ANK3: variants seen among roughly 807,000 people sequenced by gnomAD.
ANK3 encodes the protein ankyrin-3.
Under a neutral mutation model 370.9 loss-of-function variants are expected in ANK3, and 57 were observed. That is an observed-to-expected ratio of 0.15 (90% CI 0.12 to 0.19). The LOEUF (loss-of-function observed/expected upper bound fraction) is 0.19, where lower values mean the gene tolerates loss of function less well. ANK3 is among the 10% of genes least tolerant of loss of function. ANK3 has a pLI of 1.00. For synonymous variants in ANK3, 1,929 were observed against 1,946.3 expected (o/e 0.99, Z 0.23); for missense variants, 4,439 against 5,302.1 (o/e 0.84, Z 5.06).
At chr10:60,493,823 C>T (rs1163865874) in intron 2 of ANK3, among the ~76,000 whole-genome samples, 1 of 152,062 alleles carries the variant, frequency 6.6e-6, no homozygotes, top group Non-Finnish European at 1.5e-5. Flanking sequence ...AGAGAGTATA[C>T]AGTAAGAATG....
rs998175553 is a variant in ANK3, at chr10:60,110,511, C to T, written c.2949-1457G>A. ...AAGGTAAAAGGGGAAAACACTGACT[C>T]TCTCAAAAACAAAAAGAAAACAAAA... On this transcript the variant is annotated intron_variant, in intron 26 of 43. Transcript: ENST00000280772. Among the ~76,000 whole-genome samples, 11 of 152,088 alleles carry T rather than the reference C, an allele frequency of 7.2e-5. No homozygotes were observed. In the South Asian group the frequency reaches 1.0e-3, roughly 14 times the overall value.
chr10:60,667,861 G>A (rs1033945954), intron 1 of ANK3, among the ~76,000 whole-genome samples: 1 of 151,476 alleles, frequency 6.6e-6, no homozygotes, highest in Non-Finnish European at 1.5e-5. Flanking sequence ...TTCCTGGTTA[G>A]AGCAATGTTT....
At chr10:60,259,048 CT>C (rs1195235230) in intron 7 of ANK3, among the ~76,000 whole-genome samples, 1 of 152,202 alleles carries the variant, frequency 6.6e-6, no homozygotes, top group African/African-American at 2.4e-5. Flanking sequence ...GGGCCTCTTA[CT>C]TTCACCTGCT....
chr10:60,668,736 G>A (rs2079029484), intron 1 of ANK3, among the ~76,000 whole-genome samples: 1 of 152,180 alleles, frequency 6.6e-6, no homozygotes, highest in Non-Finnish European at 1.5e-5. Flanking sequence ...GCTCACACCT[G>A]TAATCCCAGC....
chr10:60,570,396 G>C (rs2077563686), intron 2 of ANK3, among the ~76,000 whole-genome samples: 1 of 152,194 alleles, frequency 6.6e-6, no homozygotes, highest in Admixed American at 6.5e-5. Flanking sequence ...GACATTTCAA[G>C]AAGAGGGCAA....
At chr10:60,730,492 G>T (rs1174642501) in intron 1 of ANK3, among the ~76,000 whole-genome samples, 1 of 152,064 alleles carries the variant, frequency 6.6e-6, no homozygotes, top group Non-Finnish European at 1.5e-5. Context: ...AATAACAGCT[G>T]ATCTTTTAAT....
At chr10:60,245,681 T>C (rs1455939430) in intron 7 of ANK3, among the ~76,000 whole-genome samples, 1 of 152,268 alleles carries the variant, frequency 6.6e-6, no homozygotes, top group East Asian at 1.9e-4. Flanking sequence ...AGTACTTTAT[T>C]TCTTTTCATG....
rs2079054298 is a variant in ANK3, at chr10:60,055,763, G to C, written c.12960C>G (p.Pro4320=). 1.2e-6 allele frequency: 2 copies of C among 1,614,048 alleles called. No homozygotes were observed. Among genetic ancestry groups the C allele is most frequent in the African/African-American group, 1.3e-5 (1 of 74,920 alleles). The change falls in exon 42 of 44, where the codon CCC becomes CCG. Residue 4320 remains proline (P), a synonymous_variant. Transcript: ENST00000280772. ...TSKLIIEETK[P]CVPVSMKKMS... is the part of the protein sequence containing the mutation. The stretch of plus-strand genomic sequence containing the variant: ...TCTTTTTCATACTGACAGGCACACA[G>C]GGTTTAGTCTCTTCTATTATAAGCT...
chr10:60,709,182 T>C (rs963308528), intron 1 of ANK3, among the ~76,000 whole-genome samples: 1 of 151,914 alleles, frequency 6.6e-6, no homozygotes, highest in Non-Finnish European at 1.5e-5. Flanking sequence ...ATGACAGAGG[T>C]GTTGGAATTA....
chr10:60,190,026 T>G (rs2096444605), intron 16 of ANK3, among the ~76,000 whole-genome samples: 1 of 152,198 alleles, frequency 6.6e-6, no homozygotes, highest in Non-Finnish European at 1.5e-5. Flanking sequence ...GCCAATCCTC[T>G]TGCCAGCATA....
intron 1 of ANK3, among the ~76,000 whole-genome samples, chr10:60,703,503 T>C (rs973459082): frequency 5.3e-5 from 8 of 152,160 alleles, no homozygotes; most frequent in Non-Finnish European, 8.8e-5. Flanking sequence ...TTTTAAATTG[T>C]CCACAATGAA....
intron 1 of ANK3, among the ~76,000 whole-genome samples, chr10:60,620,621 G>A (rs2078323043): frequency 6.6e-6 from 1 of 152,142 alleles, no homozygotes; most frequent in South Asian, 2.1e-4. Flanking sequence ...CAAGGATTAG[G>A]CATGAATTTA....
chr10:60,310,063 G>A (rs1047184715), intron 1 of ANK3, among the ~76,000 whole-genome samples: 2 of 151,598 alleles, frequency 1.3e-5, no homozygotes, highest in Non-Finnish European at 2.9e-5. Context: ...ATGGCTAGGA[G>A]TACAGTTATG....
intron 18 of ANK3, among the ~76,000 whole-genome samples, chr10:60,175,142 C>T (rs923570214): frequency 6.6e-6 from 1 of 152,214 alleles, no homozygotes; most frequent in African/African-American, 2.4e-5. Context: ...CTATCCTCCT[C>T]ATCCCCCATC....
chr10:60,071,957 A>G lies in ANK3; in HGVS notation c.8924T>C (p.Ile2975Thr). The change falls in exon 37 of 44, where the codon ATT becomes ACT. Residue 2975 changes from isoleucine (I) to threonine (T), a missense_variant. Coordinates refer to ENST00000280772, the MANE Select transcript of ANK3 (RefSeq NM_020987.5). ...ADERRMLSSNIPDGFCEQSAF... is the reference protein window; with the variant it reads ...ADERRMLSSNTPDGFCEQSAF... ...CGACTGTTCACAAAAACCATCGGGAATATTAGAAGACAGCATTCTCCTCTC... is the reference window on the plus strand; with the variant it reads ...CGACTGTTCACAAAAACCATCGGGAGTATTAGAAGACAGCATTCTCCTCTC... 9 of 1,614,116 alleles carry G rather than the reference A, an allele frequency of 5.6e-6. No homozygotes were observed. Among genetic ancestry groups the G allele is most frequent in the Non-Finnish European group, 7.6e-6 (9 of 1,180,000 alleles).
At chr10:60,640,954 A>C (rs2078623947) in intron 1 of ANK3, among the ~76,000 whole-genome samples, 1 of 114,886 alleles carries the variant, frequency 8.7e-6, no homozygotes, top group Non-Finnish European at 1.9e-5. Context: ...AAATCAATGT[A>C]CAAAAATCAC....
intron 43 of ANK3, among the ~76,000 whole-genome samples, chr10:60,032,262 AATGGC>A (rs570424738): frequency 7.9e-6 from 1 of 126,956 alleles, no homozygotes; most frequent in East Asian, 2.4e-4. Context: ...AATGGAATGG[AATGGC>A]ATGATCACGG....
chr10:60,138,132 C>T (rs2094432901), intron 24 of ANK3, among the ~76,000 whole-genome samples: 1 of 152,170 alleles, frequency 6.6e-6, no homozygotes, highest in South Asian at 2.1e-4. Context: ...GAATAAACTC[C>T]AGGGTTTACT....
chr10:60,117,011 A>G (rs2093144659), intron 25 of ANK3, among the ~76,000 whole-genome samples: 1 of 152,240 alleles, frequency 6.6e-6, no homozygotes, highest in Non-Finnish European at 1.5e-5. Context: ...CAGACTTTTA[A>G]CAGCAAAACG....
Sources: gnomAD v4.1 joint callset for allele counts (sites outside exome capture counted in the v4.1 genomes callset) on GRCh38, gnomAD v4.1.1 for gene constraint, MANE v1.5 for transcripts, NCBI Gene and HGNC (gene_info 2026-07-23, HGNC 2026-07-21) for gene names.